Variants in KCNIP4 observed in about 807,000 individuals in gnomAD.
KCNIP4 encodes the protein potassium voltage-gated channel interacting protein 4.
A neutral mutation model predicts 34.0 loss-of-function variants in KCNIP4; 12 were observed. The ratio of observed to expected loss-of-function variants is 0.35; its 90% confidence interval spans 0.23 to 0.57. The LOEUF (loss-of-function observed/expected upper bound fraction) is 0.57. KCNIP4 is among the 20% of genes least tolerant of loss of function. KCNIP4 has a pLI of 0.83. For synonymous variants in KCNIP4, 124 were observed against 102.2 expected (o/e 1.21, Z -1.29); for missense variants, 238 against 311.7 (o/e 0.76, Z 1.78).
At chr4:21,304,207 C>T (rs1712166279) in intron 1 of KCNIP4, among the ~76,000 whole-genome samples, 1 of 152,068 alleles carries the variant, frequency 6.6e-6, no homozygotes, top group Non-Finnish European at 1.5e-5. Context: ...ATGCATTCAT[C>T]CTGTCTGCTG....
intron 1 of KCNIP4, among the ~76,000 whole-genome samples, chr4:20,901,032 C>A (rs890176362): frequency 6.6e-6 from 1 of 152,072 alleles, no homozygotes; most frequent in Non-Finnish European, 1.5e-5. Flanking sequence ...CTGATAAATG[C>A]GTTTATAGCA....
intron 1 of KCNIP4, among the ~76,000 whole-genome samples, chr4:21,507,950 T>C (rs1024115037): frequency 6.6e-6 from 1 of 152,220 alleles, no homozygotes; most frequent in African/African-American, 2.4e-5. Flanking sequence ...TTTCACCATA[T>C]AAGTTGCATC....
chr4:21,639,243 C>A (rs1443973186), intron 1 of KCNIP4, among the ~76,000 whole-genome samples: 1 of 152,056 alleles, frequency 6.6e-6, no homozygotes, highest in Non-Finnish European at 1.5e-5. Flanking sequence ...GAAATGCAAT[C>A]TATTAGACTT....
At chr4:21,842,715 A>C (rs1017911529) in intron 1 of KCNIP4, among the ~76,000 whole-genome samples, 1 of 152,114 alleles carries the variant, frequency 6.6e-6, no homozygotes, top group Non-Finnish European at 1.5e-5. Flanking sequence ...ATAGTCTTCT[A>C]AATTGTCTCT....
At chr4:20,856,547 T>C (rs1041588262) in intron 2 of KCNIP4, among the ~76,000 whole-genome samples, 2 of 152,158 alleles carry the variant, frequency 1.3e-5, no homozygotes, top group African/African-American at 4.8e-5. Flanking sequence ...ATCAATATCT[T>C]ACATGTCTTG....
intron 1 of KCNIP4, among the ~76,000 whole-genome samples, chr4:21,911,900 T>G (rs9995524): frequency 0.25 from 37,766 of 151,954 alleles, 5,570 homozygotes; most frequent in East Asian, 0.61. Context: ...AAAAATTCCC[T>G]TTACATCTGA....
intron 1 of KCNIP4, among the ~76,000 whole-genome samples, chr4:21,661,303 T>C (rs577703286): frequency 6.6e-6 from 1 of 152,258 alleles, no homozygotes; most frequent in Admixed American, 6.5e-5. Flanking sequence ...GACAAGAATT[T>C]GGGAGGCAGT....
intron 3 of KCNIP4, among the ~76,000 whole-genome samples, chr4:20,803,757 A>G (rs13105793): frequency 0.35 from 39,717 of 112,466 alleles, 7,419 homozygotes; most frequent in East Asian, 0.58. Context: ...AAGGAAGGAA[A>G]GAAGGAAGGA....
chr4:20,750,400 G>T (rs1753394928), intron 4 of KCNIP4, among the ~76,000 whole-genome samples: 1 of 152,126 alleles, frequency 6.6e-6, no homozygotes, highest in Non-Finnish European at 1.5e-5. Context: ...AAGGGGACTG[G>T]GTGGTCCTAC....
chr4:21,259,542 G>T (rs59556101), intron 1 of KCNIP4, among the ~76,000 whole-genome samples: 41,334 of 151,908 alleles, frequency 0.27, 9,691 homozygotes, highest in African/African-American at 0.63. Context: ...GTCCCTTTCT[G>T]CCATTGGCTA....
chr4:21,307,242 T>C (rs1712587659), intron 1 of KCNIP4, among the ~76,000 whole-genome samples: 1 of 150,436 alleles, frequency 6.6e-6, no homozygotes, highest in Admixed American at 6.6e-5. Context: ...GCCTGAGGGT[T>C]TTTCTTTTTT....
At chr4:21,861,785 T>C (rs1284019442) in intron 1 of KCNIP4, among the ~76,000 whole-genome samples, 2 of 152,066 alleles carry the variant, frequency 1.3e-5, no homozygotes, top group Non-Finnish European at 2.9e-5. Context: ...TTCTTCCAAC[T>C]ATTGTTCTTC....
At position 20,841,172 on chromosome 4, in the gene KCNIP4, G is replaced by A. The variant is rs553835922; in HGVS notation, c.288+9371C>T. On this transcript the variant is annotated intron_variant, in intron 3 of 8. Transcript: ENST00000382152. Reference sequence around the variant, plus strand: ...CACTTCAATTTTACTCAGTAGATGTGGAAAGAACTAAAAAGAAGAAAGTGA... The same window carrying A: ...CACTTCAATTTTACTCAGTAGATGTAGAAAGAACTAAAAAGAAGAAAGTGA... Among the ~76,000 whole-genome samples the A allele has an allele frequency of 2.6e-5, 4 of 152,246 alleles. No individual in the cohort carries two copies. The East Asian group carries it at 7.7e-4, about 29-fold the overall frequency.
At position 21,699,133 on chromosome 4, in the gene KCNIP4, A is replaced by T. The variant is rs1560641927; in HGVS notation, c.61+249438T>A. ...CAGAAGAAATACACAATTGTAGTTC[A>T]ACAGTTGGTTTAATTAGTTGAACAC... is the stretch of plus-strand genomic sequence containing the variant. On this transcript the variant is annotated intron_variant, in intron 1 of 8. Coordinates refer to ENST00000382152, the MANE Select transcript of KCNIP4 (RefSeq NM_025221.6). Among the ~76,000 whole-genome samples, 3 of 152,372 alleles carry T rather than the reference A, an allele frequency of 2.0e-5. 1 individual carries two copies. In the South Asian group the frequency reaches 6.2e-4, roughly 32 times the overall value.
chr4:21,424,649 T>A (rs1725790206), intron 1 of KCNIP4, among the ~76,000 whole-genome samples: 2 of 152,122 alleles, frequency 1.3e-5, no homozygotes. Context: ...TTACTTTTTT[T>A]AGGTTCATCT....
At chr4:21,801,532 C>A (rs1720991775) in intron 1 of KCNIP4, among the ~76,000 whole-genome samples, 1 of 152,088 alleles carries the variant, frequency 6.6e-6, no homozygotes, top group African/African-American at 2.4e-5. Flanking sequence ...AGGCATTATT[C>A]CTCATATCTG....
chr4:21,303,836 T>A, intron 1 of KCNIP4: 1 of 1,614,032 alleles, frequency 6.2e-7, no homozygotes, highest in Non-Finnish European at 8.5e-7. Context: ...CAGCCCAAAC[T>A]GTTCCAATAA....
At chr4:21,593,710 A>G (rs1246274266) in intron 1 of KCNIP4, among the ~76,000 whole-genome samples, 1 of 152,102 alleles carries the variant, frequency 6.6e-6, no homozygotes, top group Non-Finnish European at 1.5e-5. Flanking sequence ...TTCTTGACAC[A>G]TCAAGACAGA....
intron 1 of KCNIP4, among the ~76,000 whole-genome samples, chr4:21,549,993 C>T (rs1428142022): frequency 6.6e-6 from 1 of 152,070 alleles, no homozygotes; most frequent in Non-Finnish European, 1.5e-5. Flanking sequence ...AGCAAGCTGA[C>T]CACATGTCAG....
Sources: allele counts gnomAD v4.1 joint callset (sites outside exome capture counted in the v4.1 genomes callset), GRCh38; gene constraint gnomAD v4.1.1; transcripts MANE v1.5; gene names NCBI Gene and HGNC (gene_info 2026-07-23, HGNC 2026-07-21).